TFEC: variants seen among roughly 807,000 people sequenced by gnomAD.
The protein encoded by TFEC is transcription factor EC, also known as class E basic helix-loop-helix protein 34.
In TFEC, 31 loss-of-function variants were observed where a neutral mutation model predicts 41.6. That is an observed-to-expected ratio of 0.74 (90% CI 0.56 to 1.01). The LOEUF is 1.01. TFEC is among the 50% of genes least tolerant of loss of function. The pLI, the probability that TFEC is intolerant of heterozygous loss-of-function variation, is 0.00. For synonymous variants in TFEC, 143 were observed against 140.6 expected (o/e 1.02, Z -0.12); for missense variants, 402 against 404.1 (o/e 0.99, Z 0.04).
intron 1 of TFEC, among the ~76,000 whole-genome samples, chr7:116,142,919 T>C (rs948414658): frequency 5.9e-5 from 9 of 152,186 alleles, no homozygotes; most frequent in African/African-American, 1.2e-4. Context: ...AAATGTAGCA[T>C]AGACCACCGA....
chr7:115,945,781 G>A (rs1791505045), intron 6 of TFEC, among the ~76,000 whole-genome samples: 1 of 151,688 alleles, frequency 6.6e-6, no homozygotes, highest in African/African-American at 2.4e-5. Flanking sequence ...ATCATAAATT[G>A]AATTTTCATA....
At chr7:116,127,515 G>T (rs1306152414) in intron 1 of TFEC, among the ~76,000 whole-genome samples, 1 of 151,940 alleles carries the variant, frequency 6.6e-6, no homozygotes, top group Non-Finnish European at 1.5e-5. Flanking sequence ...TATTCTTTTA[G>T]TGTTTAGCAA....
At chr7:116,010,306 G>A (rs1446376504) in intron 1 of TFEC, among the ~76,000 whole-genome samples, 2 of 152,128 alleles carry the variant, frequency 1.3e-5, no homozygotes. Flanking sequence ...AAAGAAAAAA[G>A]CATTACTTGA....
At chr7:115,970,935 G>A (rs1279712903) in intron 3 of TFEC, among the ~76,000 whole-genome samples, 1 of 151,952 alleles carries the variant, frequency 6.6e-6, no homozygotes, top group Admixed American at 6.6e-5. Flanking sequence ...CCCAGCCTTA[G>A]GTATTCCTTT....
rs1265848397 is a variant in TFEC, at chr7:115,937,400, G to C, written c.*3151C>G. ...TCTCATTTCTGCAAGAAATATTCTA[G>C]AGAGTCAAATTTTTCTAGAAGTCTA... is the stretch of plus-strand genomic sequence containing the variant. On this transcript the variant is annotated 3_prime_UTR_variant, in exon 8 of 8. Coordinates refer to ENST00000265440, the MANE Select transcript of TFEC (RefSeq NM_012252.4). 6.6e-6 allele frequency: 1 copy of C among 151,632 alleles called. No individual in the cohort carries two copies. The allele number at this position is 151,632 out of a possible 1,614,324, so 9.4% of individuals were successfully genotyped here.
At chr7:116,149,474 C>T (rs944803825) in intron 1 of TFEC, among the ~76,000 whole-genome samples, 5 of 152,014 alleles carry the variant, frequency 3.3e-5, no homozygotes, top group African/African-American at 1.2e-4. Context: ...AAAATCTTCC[C>T]AAAGGATAAC....
chr7:115,997,853 G>C (rs1238476467), intron 1 of TFEC, among the ~76,000 whole-genome samples: 1 of 151,994 alleles, frequency 6.6e-6, no homozygotes, highest in Non-Finnish European at 1.5e-5. Flanking sequence ...TCATCAAGCA[G>C]AAGAAAGAAT....
At chr7:116,152,044 C>T (rs1798773160) in intron 1 of TFEC, among the ~76,000 whole-genome samples, 1 of 151,976 alleles carries the variant, frequency 6.6e-6, no homozygotes, top group African/African-American at 2.4e-5. Flanking sequence ...GAGTAATACT[C>T]ATCTCTCCAA....
intron 1 of TFEC, among the ~76,000 whole-genome samples, chr7:116,021,944 A>G (rs1795411567): frequency 6.6e-6 from 1 of 152,154 alleles, no homozygotes; most frequent in Non-Finnish European, 1.5e-5. Flanking sequence ...AACTAGTTTG[A>G]CAATAAGGGC....
intron 1 of TFEC, among the ~76,000 whole-genome samples, chr7:116,003,721 T>G (rs139812708): frequency 6.6e-6 from 1 of 152,126 alleles, no homozygotes; most frequent in Non-Finnish European, 1.5e-5. Context: ...TGTACCAAGA[T>G]AGACCACATT....
At chr7:116,130,415 G>A (rs1232887620) in intron 1 of TFEC, among the ~76,000 whole-genome samples, 4 of 152,196 alleles carry the variant, frequency 2.6e-5, no homozygotes, top group South Asian at 2.1e-4. Flanking sequence ...GATGAAAATG[G>A]TAATATAGTA....
chr7:115,990,577 G>A (rs1268910886), intron 1 of TFEC, among the ~76,000 whole-genome samples: 3 of 152,110 alleles, frequency 2.0e-5, no homozygotes, highest in East Asian at 1.9e-4. Flanking sequence ...CGAGAATTAC[G>A]TGATGAATGC....
chr7:115,980,565 T>A (rs1332589228), intron 2 of TFEC, among the ~76,000 whole-genome samples: 1 of 151,936 alleles, frequency 6.6e-6, no homozygotes, highest in Non-Finnish European at 1.5e-5. Flanking sequence ...CCCTGGCCAA[T>A]ACGGCGAAAC....
chr7:115,992,746 T>C (rs537009261), intron 1 of TFEC, among the ~76,000 whole-genome samples: 5 of 152,058 alleles, frequency 3.3e-5, no homozygotes, highest in African/African-American at 4.8e-5. Flanking sequence ...CAGGACCAGA[T>C]GGATTCACAG....
chr7:115,988,651 G>A (rs1224740811), intron 1 of TFEC, among the ~76,000 whole-genome samples: 2 of 151,908 alleles, frequency 1.3e-5, no homozygotes, highest in Admixed American at 1.3e-4. Context: ...GAAAGAAACA[G>A]AAACAATATT....
chr7:116,056,013 C>T (rs1166157580), intron 3 of TFEC, among the ~76,000 whole-genome samples: 1 of 151,776 alleles, frequency 6.6e-6, no homozygotes, highest in Non-Finnish European at 1.5e-5. Flanking sequence ...GTTTAAAAAT[C>T]GTTAAGAATG....
intron 3 of TFEC, among the ~76,000 whole-genome samples, chr7:115,960,881 A>G (rs971964129): frequency 6.6e-6 from 1 of 151,604 alleles, no homozygotes; most frequent in African/African-American, 2.4e-5. Flanking sequence ...AGCTATATTA[A>G]TATCAGAAAA....
At chr7:115,989,478 G>T (rs1393500135) in intron 1 of TFEC, among the ~76,000 whole-genome samples, 2 of 152,174 alleles carry the variant, frequency 1.3e-5, no homozygotes, top group Non-Finnish European at 2.9e-5. Context: ...AAGGGGTCGG[G>T]GAATTCTCTT....
chr7:116,079,293 C>T (rs562572130), intron 3 of TFEC, among the ~76,000 whole-genome samples: 2 of 152,156 alleles, frequency 1.3e-5, no homozygotes, highest in Admixed American at 1.3e-4. Flanking sequence ...CCATTTTCAC[C>T]ACTTCTATTG....
Sources: allele counts gnomAD v4.1 joint callset (sites outside exome capture counted in the v4.1 genomes callset), GRCh38; gene constraint gnomAD v4.1.1; transcripts MANE v1.5; gene names NCBI Gene and HGNC (gene_info 2026-07-23, HGNC 2026-07-21).